NEGR1: variants seen among roughly 807,000 people sequenced by gnomAD.
NEGR1 encodes the protein neuronal growth regulator 1, also known as IgLON family member 4.
In NEGR1, 10 loss-of-function variants were observed where a neutral mutation model predicts 40.9. The ratio of observed to expected loss-of-function variants is 0.24; its 90% CI spans 0.15 to 0.42. The LOEUF is 0.42. Ranked by LOEUF, NEGR1 falls within the 10% of genes least tolerant of loss-of-function variation. The pLI, the probability that NEGR1 is intolerant of heterozygous loss-of-function variation, is 1.00. For missense variants in NEGR1, 352 were observed against 438.9 expected (o/e 0.80, Z 1.77); for synonymous variants, 185 against 166.8 (o/e 1.11, Z -0.84).
intron 1 of NEGR1, among the ~76,000 whole-genome samples, chr1:72,130,573 T>C (rs560873816): frequency 2.0e-5 from 3 of 152,230 alleles, no homozygotes; most frequent in East Asian, 3.9e-4. Flanking sequence ...TCCAGACAAT[T>C]TGGGGCAGTC....
At chr1:72,164,986 T>G (rs927138188) in intron 1 of NEGR1, among the ~76,000 whole-genome samples, 1 of 152,028 alleles carries the variant, frequency 6.6e-6, no homozygotes, top group Non-Finnish European at 1.5e-5. Context: ...CCTTGATAAT[T>G]TTTTTTTCAT....
intron 2 of NEGR1, among the ~76,000 whole-genome samples, chr1:71,866,874 T>A (rs1333056414): frequency 1.3e-5 from 2 of 152,214 alleles, no homozygotes; most frequent in Non-Finnish European, 2.9e-5. Flanking sequence ...GCTATGAATT[T>A]ATTAAGTTAC....
In NEGR1 at chr1:71,943,038, A is replaced by ATG. The variant is rs1645984181; in HGVS notation, c.177-7728_177-7727insCA. Among the ~76,000 whole-genome samples, 37 of 130,148 alleles carry ATG rather than the reference A, an allele frequency of 2.8e-4. 1 individual carries two copies. The highest frequency in any genetic ancestry group is 3.3e-4 in the African/African-American group (12 of 35,962). The allele number at this position is 130,148 out of a possible 152,430, so 85.4% of individuals were successfully genotyped here. ...TATGTGTATATATATACACACATAC[A>ATG]TATATATGTGTATATATATGTGTGT... On this transcript the variant is annotated intron_variant, in intron 1 of 6. Coordinates refer to ENST00000357731, the MANE Select transcript of NEGR1 (RefSeq NM_173808.3).
chr1:72,211,985 A>T (rs1233955891), intron 1 of NEGR1, among the ~76,000 whole-genome samples: 3 of 151,976 alleles, frequency 2.0e-5, no homozygotes, highest in Non-Finnish European at 4.4e-5. Context: ...AATGTTTTTA[A>T]TATAAAATAT....
At chr1:71,946,528 A>G (rs1220674793) in intron 1 of NEGR1, among the ~76,000 whole-genome samples, 2 of 152,166 alleles carry the variant, frequency 1.3e-5, no homozygotes, top group Non-Finnish European at 2.9e-5. Context: ...GTTCATTAAC[A>G]GCCATTTAAA....
intron 2 of NEGR1, among the ~76,000 whole-genome samples, chr1:71,878,103 A>G (rs1205698458): frequency 1.3e-5 from 2 of 152,196 alleles, no homozygotes; most frequent in Non-Finnish European, 2.9e-5. Flanking sequence ...TTATATTTGT[A>G]TGGTGAGTGG....
At chr1:71,748,720 C>G (rs72946003) in intron 3 of NEGR1, among the ~76,000 whole-genome samples, 11,013 of 151,920 alleles carry the variant, frequency 0.072, 498 homozygotes, top group East Asian at 0.14. Flanking sequence ...AAGGACTATT[C>G]GGTGCTCACA....
At chr1:71,410,307 T>C (rs1335292081) in intron 6 of NEGR1, among the ~76,000 whole-genome samples, 2 of 152,104 alleles carry the variant, frequency 1.3e-5, no homozygotes, top group Admixed American at 6.6e-5. Context: ...TTAGTCACCA[T>C]AATGTGAGAT....
chr1:71,996,915 C>A (rs895225459), intron 1 of NEGR1, among the ~76,000 whole-genome samples: 5 of 151,950 alleles, frequency 3.3e-5, no homozygotes, highest in Non-Finnish European at 7.4e-5. Flanking sequence ...AAACATACTC[C>A]TCCTTTTGGT....
At chr1:71,735,448 G>A (rs1000597276) in intron 3 of NEGR1, among the ~76,000 whole-genome samples, 2 of 152,012 alleles carry the variant, frequency 1.3e-5, no homozygotes, top group African/African-American at 2.4e-5. Flanking sequence ...GATATTTAAT[G>A]AATGGTTGCT....
chr1:71,652,620 C>T (rs2101583506), intron 4 of NEGR1, among the ~76,000 whole-genome samples: 1 of 152,274 alleles, frequency 6.6e-6, no homozygotes, highest in South Asian at 2.1e-4. Context: ...GCGTATAGCA[C>T]TTTGGGAGAC....
intron 1 of NEGR1, among the ~76,000 whole-genome samples, chr1:72,129,989 C>A (rs567514054): frequency 1.3e-5 from 2 of 152,274 alleles, no homozygotes; most frequent in East Asian, 3.9e-4. Context: ...CCCCTAGATA[C>A]ACTTCTTAAC....
At chr1:71,589,605 T>C (rs750253394) in intron 6 of NEGR1, among the ~76,000 whole-genome samples, 2 of 152,134 alleles carry the variant, frequency 1.3e-5, no homozygotes, top group Admixed American at 6.6e-5. Context: ...GCTAATTTCA[T>C]GCAAACTAAA....
intron 2 of NEGR1, among the ~76,000 whole-genome samples, chr1:71,795,382 C>T (rs1657283521): frequency 6.6e-6 from 1 of 151,894 alleles, no homozygotes; most frequent in South Asian, 2.1e-4. Context: ...AGAAGCATTG[C>T]CCTGGACTAA....
intron 1 of NEGR1, among the ~76,000 whole-genome samples, chr1:72,202,339 G>A (rs1408919825): frequency 6.6e-6 from 1 of 151,754 alleles, no homozygotes; most frequent in African/African-American, 2.4e-5. Flanking sequence ...CCCAAAAACA[G>A]CCTCTGAGTG....
chr1:71,771,698 T>A (rs1302243849), intron 3 of NEGR1, among the ~76,000 whole-genome samples: 6 of 2,228 alleles, frequency 2.7e-3, no homozygotes, highest in Non-Finnish European at 5.1e-3. Context: ...AGACTTAGTC[T>A]CAAAAAAAAA....
At chr1:71,578,896 T>A (rs1055565173) in intron 6 of NEGR1, among the ~76,000 whole-genome samples, 1 of 152,114 alleles carries the variant, frequency 6.6e-6, no homozygotes, top group Non-Finnish European at 1.5e-5. Context: ...TCCAGAAATA[T>A]ATAAGGAGAA....
intron 1 of NEGR1, among the ~76,000 whole-genome samples, chr1:72,063,463 C>CT (rs1647207874): frequency 6.6e-6 from 1 of 151,750 alleles, no homozygotes; most frequent in Non-Finnish European, 1.5e-5. Flanking sequence ...CAAGTAATTG[C>CT]GTTTTTGCCA....
In NEGR1 at chr1:71,592,899, G is replaced by T. The variant is rs752179905; in HGVS notation, c.858C>A (p.Asn286Lys). Residue 286 changes from asparagine to lysine, a missense_variant, in exon 6 of 7, where the codon AAC becomes AAA. Physicochemically the swap from Asn to Lys is moderately conservative, Grantham distance 94. This residue lies in a region of NEGR1 where 184 missense variants were observed against 208.7 expected (regional missense o/e 0.88). Transcript: ENST00000357731. ...AATTGCCGAAGTGCTCCTGTGTCACGTTGGTAACAGTGAGAATGGATCTTG... is the reference window on the plus strand; with the variant it reads ...AATTGCCGAAGTGCTCCTGTGTCACTTTGGTAACAGTGAGAATGGATCTTG... ...FSTRSILTVTNVTQEHFGNYT... is the reference protein window; with the variant it reads ...FSTRSILTVTKVTQEHFGNYT... 1.9e-6 allele frequency: 3 copies of T among 1,609,128 alleles called. No homozygotes were observed. The highest frequency in any genetic ancestry group is 2.6e-6 in the Non-Finnish European group (3 of 1,175,692).
Sources: gnomAD v4.1 joint callset for allele counts (sites outside exome capture counted in the v4.1 genomes callset) on GRCh38, gnomAD v4.1.1 for gene constraint, gnomAD v4.1.1 regional missense constraint, MANE v1.5 for transcripts, NCBI Gene and HGNC (gene_info 2026-07-23, HGNC 2026-07-21) for gene names.